The following BATF3 variants were observed in gnomAD, a reference collection of about 807,000 sequenced individuals.
BATF3 encodes basic leucine zipper ATF-like transcription factor 3.
Under a neutral mutation model 16.1 loss-of-function variants are expected in BATF3, and 8 were observed. That is an observed-to-expected ratio of 0.50 (90% CI 0.29 to 0.90). The LOEUF (loss-of-function observed/expected upper bound fraction) is 0.90, where lower values mean the gene tolerates loss of function less well. BATF3 is among the 40% of genes least tolerant of loss of function. The pLI, the probability that BATF3 is intolerant of heterozygous loss-of-function variation, is 0.08. For synonymous variants in BATF3, 74 were observed against 72.7 expected, an observed-to-expected ratio of 1.02 and a Z score of -0.09; for missense variants, 139 against 167.0, an observed-to-expected ratio of 0.83 and a Z score of 0.92.
At chr1:212,695,179 G>A (rs1030719699) in intron 2 of BATF3, among the ~76,000 whole-genome samples, 6 of 152,038 alleles carry the variant, frequency 3.9e-5, no homozygotes, top group Admixed American at 6.5e-5. Flanking sequence ...TCTGGGCAAC[G>A]TGGCAAAACC....
At position 212,688,171 on chromosome 1, in the gene BATF3, C is replaced by T. The variant is rs181751032; in HGVS notation, c.196-1192G>A. ...TTAATAGAACCACATCTAGTAGATCCAATGCTTTTTTCAATATCGCAGTTC... is the reference window on the plus strand; with the variant it reads ...TTAATAGAACCACATCTAGTAGATCTAATGCTTTTTTCAATATCGCAGTTC... On this transcript the variant is annotated intron_variant, in intron 2 of 2. Transcript: ENST00000243440. Among the ~76,000 whole-genome samples, 10 of 152,112 alleles carry T rather than the reference C, an allele frequency of 6.6e-5. No homozygotes were observed. In the East Asian group the frequency reaches 1.9e-3, roughly 29 times the overall value.
rs1657214640 is a variant in BATF3 at position 212,699,440 on chromosome 1, A to T, written c.90+233T>A. Among the ~76,000 whole-genome samples the T allele has an allele frequency of 6.6e-6, 1 of 152,038 alleles. No individual in the cohort carries two copies. Among genetic ancestry groups the T allele is most frequent in the Non-Finnish European group, 1.5e-5 (1 of 67,972 alleles). ...GGCTTCTTCCCCCAGAGGGCGCAGG[A>T]GCTGGCTCAGGAGCCATTCCAGGAG... On this transcript the variant is annotated intron_variant, in intron 1 of 2. Coordinates refer to ENST00000243440, the MANE Select transcript of BATF3 (RefSeq NM_018664.3). This position sits in a 1 kb window ranked among gnomAD's most constrained non-coding sequence, Gnocchi z 4.4.
Position 212,689,875 on chromosome 1 carries a change from TCA to T in BATF3, c.196-2898_196-2897del, listed in dbSNP as rs1169568645. Among the ~76,000 whole-genome samples the T allele has an allele frequency of 1.4e-5, 2 of 140,732 alleles. No homozygotes were observed. The highest frequency in any genetic ancestry group is 3.1e-5 in the Non-Finnish European group (2 of 64,544). 92.3% of individuals were successfully genotyped at this position (140,732 alleles called of 152,430 possible). On this transcript the variant is annotated intron_variant, in intron 2 of 2. Transcript: ENST00000243440. This position sits in a 1 kb window ranked among gnomAD's most constrained non-coding sequence, Gnocchi z 4.6. ...CAGACACACACACAGATACACACAGTCACACACACATCTGCAAACACACTCTC... is the reference window on the plus strand; with the variant it reads ...CAGACACACACACAGATACACACAGTCACACACATCTGCAAACACACTCTC...
rs1228123358 is a variant in BATF3 at position 212,689,616 on chromosome 1, G to A, written c.196-2637C>T. On this transcript the variant is annotated intron_variant, in intron 2 of 2. Transcript: ENST00000243440. This position sits in a 1 kb window ranked among gnomAD's most constrained non-coding sequence, Gnocchi z 4.6. ...GGGCAAGGGGAGAGTCTGGATGGGA[G>A]GATGGGATGGAAGCCAGGGCGTCAA... Among the ~76,000 whole-genome samples the A allele has an allele frequency of 6.6e-6, 1 of 152,144 alleles. No homozygotes were observed. The highest frequency in any genetic ancestry group is 1.5e-5 in the Non-Finnish European group (1 of 68,012).
Position 212,689,195 on chromosome 1 carries a change from T to A in BATF3, c.196-2216A>T, listed in dbSNP as rs537790906. 8.5e-5 allele frequency among the ~76,000 whole-genome samples: 13 copies of A among 152,278 alleles called. No individual in the cohort carries two copies. ...AGGACCTAGGAACTTCTGCTACTCC[T>A]CTCCTCTACCCCCTGCCTGATGCGC... On this transcript the variant is annotated intron_variant, in intron 2 of 2. Coordinates refer to ENST00000243440, the MANE Select transcript of BATF3 (RefSeq NM_018664.3). The surrounding 1 kb of genome is among the most constrained non-coding windows in gnomAD (Gnocchi z 4.6).
At chr1:212,688,818 T>C (rs1197651156) in intron 2 of BATF3, among the ~76,000 whole-genome samples, 1 of 152,222 alleles carries the variant, frequency 6.6e-6, no homozygotes, top group Non-Finnish European at 1.5e-5. Context: ...GGCTTTGTTG[T>C]ACCATGCACA....
Position 212,699,787 on chromosome 1 carries a change from C to T in BATF3, c.-25G>A, listed in dbSNP as rs1372718471. On this transcript the variant is annotated 5_prime_UTR_variant, in exon 1 of 3. Coordinates refer to ENST00000243440, the MANE Select transcript of BATF3 (RefSeq NM_018664.3). This position sits in a 1 kb window ranked among gnomAD's most constrained non-coding sequence, Gnocchi z 4.4. ...TGCCGGGCGCTCCTCTGGCCCGGCC[C>T]GCCCCGCCCCGCCCGCGCGCCCTGC... 22 of 1,166,280 alleles carry T rather than the reference C, an allele frequency of 1.9e-5. No homozygotes were observed. Among genetic ancestry groups the T allele is most frequent in the Admixed American group, 4.7e-5 (1 of 21,336 alleles). The allele number at this position is 1,166,280 out of a possible 1,614,324, so 72.2% of individuals were successfully genotyped here. A position where few individuals can be genotyped will look rare whatever the true frequency, so the allele number is the denominator to read the frequency against.
At position 212,699,039 on chromosome 1, in the gene BATF3, G is replaced by T. The variant is rs1657196926; in HGVS notation, c.90+634C>A. Among the ~76,000 whole-genome samples, 1 of 152,226 alleles carries T rather than the reference G, an allele frequency of 6.6e-6. No homozygotes were observed. The highest frequency in any genetic ancestry group is 1.9e-4 in the East Asian group (1 of 5,198). On this transcript the variant is annotated intron_variant, in intron 1 of 2. Coordinates refer to ENST00000243440, the MANE Select transcript of BATF3 (RefSeq NM_018664.3). This position sits in a 1 kb window ranked among gnomAD's most constrained non-coding sequence, Gnocchi z 4.4. ...GTAAGGATGAAAAGACCCAGTCTTC[G>T]TCGTAAGGCAGGTGGCCAAGACCCA...
chr1:212,693,107 G>A (rs73079842), intron 2 of BATF3, among the ~76,000 whole-genome samples: 2 of 152,160 alleles, frequency 1.3e-5, no homozygotes, highest in African/African-American at 2.4e-5. Context: ...CAACTCACTG[G>A]AGCTTGACAA....
At position 212,686,898 on chromosome 1, in the gene BATF3, C is replaced by T; in HGVS notation, c.277G>A (p.Glu93Lys). 1 of 1,614,226 alleles carries T rather than the reference C, an allele frequency of 6.2e-7. No individual in the cohort carries two copies. The highest frequency in any genetic ancestry group is 8.5e-7 in the Non-Finnish European group (1 of 1,180,030). The change falls in exon 3 of 3, where the codon GAG becomes AAG. Residue 93 changes from glutamate to lysine, a missense_variant. Coordinates refer to ENST00000243440, the MANE Select transcript of BATF3 (RefSeq NM_018664.3). ...KLTEELKHLT[E>K]ALKEHEKMCP... is the part of the protein sequence containing the mutation. ...ATCTTCTCGTGCTCCTTCAGTGCCT[C>T]TGTCAGGTGCTTCAGCTCCTCTGTC...
At chr1:212,694,263 G>A (rs1657073962) in intron 2 of BATF3, among the ~76,000 whole-genome samples, 1 of 152,208 alleles carries the variant, frequency 6.6e-6, no homozygotes. Context: ...ACCCACTTCT[G>A]ATGTGTGACT....
chr1:212,693,350 C>T (rs1055111848), intron 2 of BATF3, among the ~76,000 whole-genome samples: 5 of 152,182 alleles, frequency 3.3e-5, no homozygotes, highest in East Asian at 1.9e-4. Flanking sequence ...TTGTGACCAA[C>T]GACACTTGTG....
chr1:212,686,779 G>A lies in BATF3; in HGVS notation c.*12C>T. On this transcript the variant is annotated 3_prime_UTR_variant, in exon 3 of 3. Coordinates refer to ENST00000243440, the MANE Select transcript of BATF3 (RefSeq NM_018664.3). ...CCAAGGCTCCTTGCTGGGCAGAGGA[G>A]TGTCCCCGGCTTCATCGGGGCAAGC... 6.2e-7 allele frequency: 1 copy of A among 1,606,030 alleles called. No individual in the cohort carries two copies. The highest frequency in any genetic ancestry group is 8.5e-7 in the Non-Finnish European group (1 of 1,175,706).
At position 212,699,524 on chromosome 1, in the gene BATF3, A is replaced by T; in HGVS notation, c.90+149T>A. ...ATCGCCCCCATTCCCCAACATCCCT[A>T]CGCCCCTACCTCTGCTTGTCTCCGG... is the stretch of plus-strand genomic sequence containing the variant. On this transcript the variant is annotated intron_variant, in intron 1 of 2. Transcript: ENST00000243440. This position sits in a 1 kb window ranked among gnomAD's most constrained non-coding sequence, Gnocchi z 4.4. The T allele has an allele frequency of 4.0e-6, 2 of 501,108 alleles. No individual in the cohort carries two copies. Among genetic ancestry groups the T allele is most frequent in the Non-Finnish European group, 6.1e-6 (2 of 327,056 alleles). 31.0% of individuals were successfully genotyped at this position (501,108 alleles called of 1,614,324 possible).
In BATF3 at chr1:212,697,297, C is replaced by T; in HGVS notation, c.91-232G>A. On this transcript the variant is annotated intron_variant, in intron 1 of 2. Coordinates refer to ENST00000243440, the MANE Select transcript of BATF3 (RefSeq NM_018664.3). ...CGTTTAAAAGATGAGGAATAAGAAA[C>T]TCAGAGAGGTTAAGGACCTTGCTCC... 6 of 471,524 alleles carry T rather than the reference C, an allele frequency of 1.3e-5. No homozygotes were observed. The South Asian group carries it at 1.6e-4, about 13-fold the overall frequency. 29.2% of individuals were successfully genotyped at this position (471,524 alleles called of 1,614,324 possible).
rs563976928 is a variant in BATF3, at chr1:212,692,386, G to A, written c.195+4575C>T. Among the ~76,000 whole-genome samples the A allele has an allele frequency of 6.6e-5, 10 of 152,092 alleles. 1 individual carries two copies. The South Asian group carries it at 1.9e-3, about 28-fold the overall frequency. ...TATTTTTTTAAAAACCCAGGAAGAC[G>A]AAAGAGCAAAAAAAACCCAAAAAAA... is the stretch of plus-strand genomic sequence containing the variant. On this transcript the variant is annotated intron_variant, in intron 2 of 2. Coordinates refer to ENST00000243440, the MANE Select transcript of BATF3 (RefSeq NM_018664.3).
chr1:212,686,667 C>T lies in BATF3; in HGVS notation c.*124G>A, dbSNP rs910887671. ...TCTGCAGGGAACACAGCTGGCTGGTCCTGGAGCTCCCAGGAGGAGGCCTGG... is the reference window on the plus strand; with the variant it reads ...TCTGCAGGGAACACAGCTGGCTGGTTCTGGAGCTCCCAGGAGGAGGCCTGG... On this transcript the variant is annotated 3_prime_UTR_variant, in exon 3 of 3. Transcript: ENST00000243440. The T allele has an allele frequency of 2.8e-6, 4 of 1,424,730 alleles. No individual in the cohort carries two copies. In the African/African-American group the frequency reaches 4.3e-5, roughly 15 times the overall value. The allele number at this position is 1,424,730 out of a possible 1,614,324, so 88.3% of individuals were successfully genotyped here.
intron 2 of BATF3, among the ~76,000 whole-genome samples, chr1:212,690,026 C>T (rs1345279517): frequency 2.6e-5 from 4 of 151,784 alleles, no homozygotes; most frequent in Non-Finnish European, 5.9e-5. Flanking sequence ...CACACACTCA[C>T]AAAAACTCAG....
rs1657170755 is a variant in BATF3 at position 212,697,933 on chromosome 1, A to G, written c.91-868T>C. The G allele has an allele frequency of 2.0e-5, 3 of 152,360 alleles. No individual in the cohort carries two copies. The South Asian group carries it at 6.2e-4, about 32-fold the overall frequency. The allele number at this position is 152,360 out of a possible 1,614,324, so 9.4% of individuals were successfully genotyped here. A position where few individuals can be genotyped will look rare whatever the true frequency, so the allele number is the denominator to read the frequency against. ...ACACTTACAGAGTTTAAGAGCCAAG[A>G]GGTACAAACAAGGAAAACTACTCAG... On this transcript the variant is annotated intron_variant, in intron 1 of 2. Coordinates refer to ENST00000243440, the MANE Select transcript of BATF3 (RefSeq NM_018664.3).
Sources: gnomAD v4.1 joint callset for allele counts (sites outside exome capture counted in the v4.1 genomes callset) on GRCh38, gnomAD v4.1.1 for gene constraint, Gnocchi (gnomAD v3.1) non-coding constraint, MANE v1.5 for transcripts, NCBI Gene and HGNC (gene_info 2026-07-23, HGNC 2026-07-21) for gene names.